The following EYS variants were observed in gnomAD, a reference collection of about 807,000 sequenced individuals.
EYS encodes the protein EGF-like photoreceptor maintenance factor.
EYS carries 250 observed loss-of-function variants against 282.1 expected under a neutral mutation model. The ratio of observed to expected loss-of-function variants is 0.89; its 90% CI spans 0.80 to 0.98. The LOEUF (loss-of-function observed/expected upper bound fraction) is 0.98, where lower values mean the gene tolerates loss of function less well. EYS is among the 50% of genes least tolerant of loss of function. The probability of loss-of-function intolerance (pLI) is 0.00; values close to 1 mark genes in which losing one functional copy is unlikely to be tolerated. For synonymous variants in EYS, 1,355 were observed against 1,282.9 expected (o/e 1.06, Z -1.20); for missense variants, 4,016 against 3,709.0 (o/e 1.08, Z -2.15).
At chr6:64,321,005 A>G (rs1236146352) in intron 29 of EYS, among the ~76,000 whole-genome samples, 1 of 151,738 alleles carries the variant, frequency 6.6e-6, no homozygotes, top group African/African-American at 2.4e-5. Flanking sequence ...TATTACCCTG[A>G]TTCCCTACTC....
intron 28 of EYS, among the ~76,000 whole-genome samples, chr6:64,422,749 G>A (rs565430745): frequency 4.7e-4 from 72 of 152,202 alleles, no homozygotes; most frequent in African/African-American, 1.3e-3. Context: ...ATTATTATGA[G>A]CATAATGTCT....
intron 16 of EYS, among the ~76,000 whole-genome samples, chr6:64,906,166 T>C (rs909075547): frequency 4.0e-5 from 6 of 151,498 alleles, no homozygotes; most frequent in African/African-American, 9.6e-5. Context: ...AATTAACCAA[T>C]ATAAGAAATT....
intron 31 of EYS, among the ~76,000 whole-genome samples, chr6:64,095,964 T>C (rs1481176442): frequency 3.3e-5 from 5 of 152,332 alleles, no homozygotes; most frequent in African/African-American, 1.2e-4. Flanking sequence ...TGACAAAATC[T>C]CTCAGCATTT....
chr6:64,293,799 A>G lies in EYS; in HGVS notation c.6191+13171T>C, dbSNP rs144049424. The stretch of plus-strand genomic sequence containing the variant: ...TAAACGTCCATTTCTCTGCTTTGCA[A>G]TGTTCCTACTATTTCTAATAAGGCT... On this transcript the variant is annotated intron_variant, in intron 30 of 42. Transcript: ENST00000503581. Among the ~76,000 whole-genome samples the G allele has an allele frequency of 8.7e-3, 1,318 of 152,188 alleles. 27 individuals are homozygous for G. Among genetic ancestry groups the G allele is most frequent in the African/African-American group, 0.029 (1,207 of 41,548 alleles).
In EYS at chr6:65,159,334, C is replaced by T. The variant is rs114589290; in HGVS notation, c.2024-101607G>A. 9.9e-3 allele frequency among the ~76,000 whole-genome samples: 1,488 copies of T among 150,904 alleles called. 24 individuals carry two copies. The highest frequency in any genetic ancestry group is 0.034 in the African/African-American group (1,406 of 41,384). On this transcript the variant is annotated intron_variant, in intron 12 of 42. Coordinates refer to ENST00000503581, the MANE Select transcript of EYS (RefSeq NM_001142800.2). ...GTGACCTGGCAGTGGGCATTCTAAA[C>T]GTTAATGTAGAAAGAGTGCTCTAGG...
intron 5 of EYS, among the ~76,000 whole-genome samples, chr6:65,432,222 A>G (rs1055375068): frequency 2.6e-5 from 4 of 152,148 alleles, no homozygotes; most frequent in Admixed American, 2.6e-4. Context: ...GGGTTTTTGG[A>G]AGTTAATTAT....
intron 41 of EYS, among the ~76,000 whole-genome samples, chr6:63,735,493 T>TCACACACA (rs56885891): frequency 1.8e-4 from 27 of 147,954 alleles, no homozygotes; most frequent in East Asian, 1.6e-3. Context: ...TCTGTCTCTG[T>TCACACACA]CACACACACA....
intron 35 of EYS, among the ~76,000 whole-genome samples, chr6:63,962,525 G>A (rs527990400): frequency 8.7e-4 from 133 of 152,272 alleles, no homozygotes; most frequent in African/African-American, 3.1e-3. Context: ...ATCATCACTG[G>A]CCATCGGAGA....
chr6:64,746,470 T>C (rs890707545), intron 22 of EYS, among the ~76,000 whole-genome samples: 17 of 152,196 alleles, frequency 1.1e-4, no homozygotes, highest in African/African-American at 4.1e-4. Context: ...ATTAAAAAAA[T>C]AACGCATCTG....
At chr6:63,906,871 T>C (rs910722055) in intron 35 of EYS, among the ~76,000 whole-genome samples, 1 of 151,918 alleles carries the variant, frequency 6.6e-6, no homozygotes, top group Admixed American at 6.6e-5. Flanking sequence ...ATTGATCATA[T>C]TGAAATATCT....
intron 12 of EYS, among the ~76,000 whole-genome samples, chr6:65,134,935 G>A (rs1775981420): frequency 6.6e-6 from 1 of 151,990 alleles, no homozygotes; most frequent in Non-Finnish European, 1.5e-5. Context: ...ATGGGAAGTT[G>A]TTGAGAAAAT....
At chr6:64,027,441 A>G (rs1175611265) in intron 33 of EYS, among the ~76,000 whole-genome samples, 1 of 152,168 alleles carries the variant, frequency 6.6e-6, no homozygotes. Context: ...TCCAAAAGCA[A>G]GCCCTGGGCC....
intron 33 of EYS, among the ~76,000 whole-genome samples, chr6:64,030,074 C>T (rs1201864992): frequency 1.3e-5 from 2 of 151,182 alleles, no homozygotes; most frequent in African/African-American, 2.4e-5. Context: ...TAGGGAAAGA[C>T]CAGCAAGAAG....
chr6:65,242,604 T>G (rs913939973), intron 12 of EYS, among the ~76,000 whole-genome samples: 1 of 152,142 alleles, frequency 6.6e-6, no homozygotes, highest in Non-Finnish European at 1.5e-5. Flanking sequence ...TTTCTGTAGA[T>G]ACATATTTTC....
chr6:65,434,041 T>A (rs949977209), intron 5 of EYS, among the ~76,000 whole-genome samples: 1 of 152,164 alleles, frequency 6.6e-6, no homozygotes, highest in African/African-American at 2.4e-5. Flanking sequence ...CTCATAATCA[T>A]CCCAGATAAA....
At chr6:65,579,205 G>C (rs1764785146) in intron 2 of EYS, among the ~76,000 whole-genome samples, 1 of 151,864 alleles carries the variant, frequency 6.6e-6, no homozygotes, top group African/African-American at 2.4e-5. Flanking sequence ...AAAATAGCAA[G>C]TACTTAAAAA....
At chr6:64,492,471 TG>T (rs201380172) in intron 26 of EYS, among the ~76,000 whole-genome samples, 6 of 142,786 alleles carry the variant, frequency 4.2e-5, no homozygotes, top group African/African-American at 7.8e-5. Flanking sequence ...CCTGTTTTTT[TG>T]TTGTTGTTGT....
At position 65,057,653 on chromosome 6, in the gene EYS, G is replaced by C; in HGVS notation, c.2098C>G (p.Pro700Ala). The C allele has an allele frequency of 1.3e-6, 2 of 1,550,810 alleles. No homozygotes were observed. Among genetic ancestry groups the C allele is most frequent in the South Asian group, 1.2e-5 (1 of 84,032 alleles). The change falls in exon 13 of 43, where the codon CCT (proline) becomes GCT (alanine). Residue 700 changes from proline to alanine, a missense_variant. Pro to Ala is a conservative substitution (Grantham distance 27). Coordinates refer to ENST00000503581, the MANE Select transcript of EYS (RefSeq NM_001142800.2). ...ACACACTGGCAGAAGTAATTACCAG[G>C]TTGGTCAATGCAGGTGGCTCCATTT... ...CKNGATCIDQ[P>A]GNYFCQCVPP...
chr6:65,293,119 A>G (rs1768571440), intron 12 of EYS, among the ~76,000 whole-genome samples: 1 of 151,664 alleles, frequency 6.6e-6, no homozygotes, highest in African/African-American at 2.4e-5. Flanking sequence ...GGTAATCAAG[A>G]CAATCATAAG....
Sources: gnomAD v4.1 joint callset for allele counts (sites outside exome capture counted in the v4.1 genomes callset) on GRCh38, gnomAD v4.1.1 for gene constraint, MANE v1.5 for transcripts, NCBI Gene and HGNC (gene_info 2026-07-23, HGNC 2026-07-21) for gene names.